Variants in CSGALNACT1 observed in about 807,000 individuals in gnomAD.
The protein encoded by CSGALNACT1 is chondroitin sulfate N-acetylgalactosaminyltransferase 1, also known as beta4GalNAcT-1.
CSGALNACT1 carries 52 observed loss-of-function variants against 51.0 expected under a neutral mutation model. That is an observed-to-expected ratio of 1.02 (90% confidence interval 0.82 to 1.29). CSGALNACT1 has a LOEUF of 1.29. Among genes scored for constraint, CSGALNACT1 ranks in the 50% most tolerant of loss-of-function variants. The pLI, the probability that CSGALNACT1 is intolerant of heterozygous loss-of-function variation, is 0.00. For missense variants in CSGALNACT1, 935 were observed against 679.2 expected, an observed-to-expected ratio of 1.38 and a Z score of -4.19; for synonymous variants, 341 against 254.4, an observed-to-expected ratio of 1.34 and a Z score of -3.24.
intron 1 of CSGALNACT1, among the ~76,000 whole-genome samples, chr8:19,695,243 A>G (rs751245515): frequency 6.6e-6 from 1 of 152,176 alleles, no homozygotes; most frequent in Non-Finnish European, 1.5e-5. Context: ...AATAATTTGA[A>G]TTGTAAGATC....
intron 3 of CSGALNACT1, among the ~76,000 whole-genome samples, chr8:19,544,308 TA>T (rs2085972669): frequency 6.6e-6 from 1 of 152,194 alleles, no homozygotes; most frequent in South Asian, 2.1e-4. Flanking sequence ...AAATATAATT[TA>T]ATAGAACTAA....
chr8:19,455,679 T>C (rs1280217084), intron 5 of CSGALNACT1, among the ~76,000 whole-genome samples: 2 of 152,164 alleles, frequency 1.3e-5, no homozygotes, highest in African/African-American at 2.4e-5. Context: ...TTCAGAGACA[T>C]CAACAGTCTC....
exon 10 of CSGALNACT1, chr8:19,405,841 C>G (rs2054037395): frequency 6.2e-7 from 1 of 1,614,164 alleles, no homozygotes; most frequent in Non-Finnish European, 8.5e-7. Context: ...TATCTCGTGC[C>G]TGAACACCAG....
intron 5 of CSGALNACT1, among the ~76,000 whole-genome samples, chr8:19,455,152 G>A (rs952055189): frequency 6.6e-6 from 1 of 152,138 alleles, no homozygotes. Flanking sequence ...TATTCCTCGT[G>A]CTGTTCTACA....
intron 3 of CSGALNACT1, among the ~76,000 whole-genome samples, chr8:19,531,222 T>C (rs554866881): frequency 2.6e-5 from 4 of 152,138 alleles, no homozygotes; most frequent in Admixed American, 2.6e-4. Flanking sequence ...TATTTTAGAG[T>C]TGGAAACATT....
chr8:19,661,464 A>C (rs1277421669), intron 1 of CSGALNACT1, among the ~76,000 whole-genome samples: 1 of 152,224 alleles, frequency 6.6e-6, no homozygotes, highest in Admixed American at 6.5e-5. Flanking sequence ...CTTCAATCTA[A>C]GGAATGCACC....
intron 4 of CSGALNACT1, among the ~76,000 whole-genome samples, chr8:19,479,061 A>G (rs1272642172): frequency 1.3e-5 from 2 of 152,246 alleles, no homozygotes; most frequent in Non-Finnish European, 2.9e-5. Flanking sequence ...CAAAGGTTAC[A>G]TGGTCTTATT....
At chr8:19,432,732 G>A (rs768045032) in intron 6 of CSGALNACT1, among the ~76,000 whole-genome samples, 12 of 151,640 alleles carry the variant, frequency 7.9e-5, no homozygotes, top group South Asian at 4.2e-4. Flanking sequence ...TTAATTTTTC[G>A]TTTTTGTTAT....
At chr8:19,587,286 G>A (rs994815121) in intron 3 of CSGALNACT1, among the ~76,000 whole-genome samples, 1 of 152,184 alleles carries the variant, frequency 6.6e-6, no homozygotes, top group South Asian at 2.1e-4. Flanking sequence ...CAAATCAAAG[G>A]TTCAGAAACA....
chr8:19,493,557 C>T (rs2074834263), intron 4 of CSGALNACT1, among the ~76,000 whole-genome samples: 1 of 152,210 alleles, frequency 6.6e-6, no homozygotes, highest in Non-Finnish European at 1.5e-5. Context: ...GCTGATTTGC[C>T]TATGCTGGAC....
At chr8:19,475,582 C>G (rs2069382096) in intron 4 of CSGALNACT1, among the ~76,000 whole-genome samples, 1 of 152,138 alleles carries the variant, frequency 6.6e-6, no homozygotes, top group Non-Finnish European at 1.5e-5. Flanking sequence ...CACAGACACA[C>G]CCTCCACTGA....
intron 4 of CSGALNACT1, among the ~76,000 whole-genome samples, chr8:19,486,792 T>G (rs1259584518): frequency 6.6e-6 from 1 of 152,122 alleles, no homozygotes; most frequent in Non-Finnish European, 1.5e-5. Flanking sequence ...CTTACTTAGG[T>G]TCATGTTTAT....
chr8:19,732,457 G>A (rs2063744944), intron 1 of CSGALNACT1: 1 of 152,158 alleles, frequency 6.6e-6, no homozygotes, highest in African/African-American at 2.4e-5. Context: ...CTGACTCACC[G>A]ATAGTTGACC....
intron 1 of CSGALNACT1, among the ~76,000 whole-genome samples, chr8:19,732,790 A>T (rs2063763239): frequency 6.6e-6 from 1 of 152,216 alleles, no homozygotes; most frequent in South Asian, 2.1e-4. Context: ...ATTACTTTGC[A>T]TTGCTGCATC....
chr8:19,405,685 T>C (rs771077264), exon 10 of CSGALNACT1: 1 of 1,499,548 alleles, frequency 6.7e-7, no homozygotes, highest in African/African-American at 1.4e-5. Context: ...CCAATTCTTT[T>C]GTCGTCCTTT....
chr8:19,588,008 T>G (rs368381145), intron 3 of CSGALNACT1: 1 of 152,114 alleles, frequency 6.6e-6, no homozygotes, highest in African/African-American at 2.4e-5. Flanking sequence ...CTGGTCAACG[T>G]TGCAAAACGC....
intron 2 of CSGALNACT1, among the ~76,000 whole-genome samples, chr8:19,600,878 T>G (rs1173166152): frequency 6.6e-6 from 1 of 151,830 alleles, no homozygotes; most frequent in East Asian, 1.9e-4. Context: ...AGACATTTGT[T>G]AAATGAAGGA....
intron 1 of CSGALNACT1, among the ~76,000 whole-genome samples, chr8:19,608,171 G>A (rs1398836466): frequency 6.6e-6 from 1 of 152,152 alleles, no homozygotes; most frequent in Non-Finnish European, 1.5e-5. Flanking sequence ...ATTCAGAAAA[G>A]TAAACTCACC....
chr8:19,684,394 CAT>C (rs1415685303), upstream of CSGALNACT1, among the ~76,000 whole-genome samples: 1 of 152,094 alleles, frequency 6.6e-6, no homozygotes, highest in Non-Finnish European at 1.5e-5. Flanking sequence ...AAACATTCAC[CAT>C]ATGAGACTGT....
Sources: allele counts gnomAD v4.1 joint callset (sites outside exome capture counted in the v4.1 genomes callset), GRCh38; gene constraint gnomAD v4.1.1; transcripts MANE v1.5; gene names NCBI Gene and HGNC (gene_info 2026-07-23, HGNC 2026-07-21).